Variants in IFFO2 observed in about 807,000 individuals in gnomAD.
The protein encoded by IFFO2 is intermediate filament family orphan 2.
IFFO2 carries 19 observed loss-of-function variants against 53.5 expected under a neutral mutation model. The ratio of observed to expected loss-of-function variants is 0.36; its 90% CI spans 0.25 to 0.52. The LOEUF is 0.52. IFFO2 is among the 20% of genes least tolerant of loss of function. IFFO2 has a pLI of 0.94. For synonymous variants in IFFO2, 303 were observed against 313.6 expected (o/e 0.97, Z 0.36); for missense variants, 570 against 727.4 (o/e 0.78, Z 2.49).
At chr1:18,955,528 T>G (rs1936712397) in intron 1 of IFFO2, 140 bp downstream of exon 1, 1 of 1,298,038 alleles carries the variant, frequency 7.7e-7, no homozygotes, top group Non-Finnish European at 1.0e-6. Context: ...CTGGCGTACG[T>G]AAGACGCTCT....
At chr1:18,943,285 A>G (rs755963392) in intron 1 of IFFO2, among the ~76,000 whole-genome samples, 1 of 152,176 alleles carries the variant, frequency 6.6e-6, no homozygotes, top group Non-Finnish European at 1.5e-5. Context: ...AGGCTGAGGC[A>G]GGAGGATTGC....
At chr1:18,945,171 T>C (rs1041014768) in intron 1 of IFFO2, among the ~76,000 whole-genome samples, 3 of 152,162 alleles carry the variant, frequency 2.0e-5, no homozygotes, top group African/African-American at 7.2e-5. Context: ...CTTTCTTGAC[T>C]GGCCCTGAAC....
intron 5 of IFFO2, among the ~76,000 whole-genome samples, chr1:18,913,401 G>A (rs2024726): frequency 0.039 from 5,996 of 152,322 alleles, 193 homozygotes; most frequent in Admixed American, 0.1. Context: ...CCTTCCCAGC[G>A]TCTGGGATCT....
rs535086996 is a variant in IFFO2, at chr1:18,941,658, G to A, written c.665+14010C>T. 4.6e-5 allele frequency among the ~76,000 whole-genome samples: 7 copies of A among 152,334 alleles called. No individual in the cohort carries two copies. In the South Asian group the frequency reaches 1.5e-3, roughly 32 times the overall value. ...TCTTCCAATTCCCCTATCTCAGCCT[G>A]CCAGAATGAGCTTGCATGTGTGGCA... On this transcript the variant is annotated intron_variant, in intron 1 of 8. Transcript: ENST00000455833.
chr1:18,923,012 C>G (rs866915522), intron 1 of IFFO2, among the ~76,000 whole-genome samples: 1 of 152,140 alleles, frequency 6.6e-6, no homozygotes, highest in Non-Finnish European at 1.5e-5. Flanking sequence ...GCACAGGTCC[C>G]GAGCTGAATC....
At chr1:18,937,920 C>T (rs778739884) in intron 1 of IFFO2, among the ~76,000 whole-genome samples, 2 of 152,382 alleles carry the variant, frequency 1.3e-5, no homozygotes, top group Middle Eastern at 3.4e-3. Context: ...ACCAGCACAG[C>T]CTCTCTTCTC....
Position 18,932,749 on chromosome 1 carries a change from G to A in IFFO2, c.666-11628C>T, listed in dbSNP as rs192097267. On this transcript the variant is annotated intron_variant, in intron 1 of 8. Coordinates refer to ENST00000455833, the MANE Select transcript of IFFO2 (RefSeq NM_001136265.2). Reference sequence around the variant, plus strand: ...GGAGGGCAGTTCCTCTGTGTAGACTGGCCAAGGCCCCGGGGATGAGGCAGG... The same window carrying A: ...GGAGGGCAGTTCCTCTGTGTAGACTAGCCAAGGCCCCGGGGATGAGGCAGG... Among the ~76,000 whole-genome samples, 551 of 152,222 alleles carry A rather than the reference G, an allele frequency of 3.6e-3. 3 individuals carry two copies. The highest frequency in any genetic ancestry group is 0.012 in the African/African-American group (513 of 41,518).
At chr1:18,946,200 G>A (rs1409040765) in intron 1 of IFFO2, among the ~76,000 whole-genome samples, 3 of 152,148 alleles carry the variant, frequency 2.0e-5, no homozygotes, top group Non-Finnish European at 1.5e-5. Context: ...CCGCTTGCCA[G>A]TTTACAAAGT....
Position 18,955,634 on chromosome 1 carries a change from G to T in IFFO2, c.665+34C>A, listed in dbSNP as rs545099987. The T allele has an allele frequency of 5.9e-6, 9 of 1,533,818 alleles. No individual in the cohort carries two copies. In the African/African-American group the frequency reaches 8.5e-5, roughly 14 times the overall value. On this transcript the variant is annotated intron_variant, in intron 1 of 8. Transcript: ENST00000455833. ...GCGGCAGCCTGGACCTGGGCGCCCCGTCCCAGGGCGGCGGGGGAGGGGCGG... is the reference window on the plus strand; with the variant it reads ...GCGGCAGCCTGGACCTGGGCGCCCCTTCCCAGGGCGGCGGGGGAGGGGCGG...
intron 1 of IFFO2, among the ~76,000 whole-genome samples, chr1:18,925,441 G>C (rs1460789270): frequency 6.6e-6 from 1 of 152,226 alleles, no homozygotes; most frequent in Admixed American, 6.5e-5. Flanking sequence ...AAAGGAGCCA[G>C]TCCCGTGACG....
chr1:18,951,471 G>A (rs1936659383), intron 1 of IFFO2, among the ~76,000 whole-genome samples: 1 of 152,236 alleles, frequency 6.6e-6, no homozygotes, highest in African/African-American at 2.4e-5. Context: ...AGGCCAGCCA[G>A]CTGCAAATCA....
intron 1 of IFFO2, among the ~76,000 whole-genome samples, chr1:18,933,301 C>T (rs559792763): frequency 3.5e-4 from 54 of 152,324 alleles, no homozygotes; most frequent in Middle Eastern, 6.8e-3. Context: ...GCATCTTCCT[C>T]CGTCCATGAG....
rs1209177673 is a variant in IFFO2 at position 18,956,525 on chromosome 1, G to A, written c.-193C>T. On this transcript the variant is annotated 5_prime_UTR_variant, in exon 1 of 9. Coordinates refer to ENST00000455833, the MANE Select transcript of IFFO2 (RefSeq NM_001136265.2). The surrounding 1 kb of genome is among the most constrained non-coding windows in gnomAD (Gnocchi z 6.4). ...GATGGCCCCGGATGCGGGCGCCGAG[G>A]CGAGAGAGGGCACTCGGCCGCTCCT... 1 of 157,808 alleles carries A rather than the reference G, an allele frequency of 6.3e-6. No individual in the cohort carries two copies. The highest frequency in any genetic ancestry group is 1.4e-5 in the Non-Finnish European group (1 of 72,084). The allele number at this position is 157,808 out of a possible 1,614,324, so 9.8% of individuals were successfully genotyped here.
intron 1 of IFFO2, among the ~76,000 whole-genome samples, chr1:18,926,008 GA>G (rs1483961078): frequency 6.4e-5 from 5 of 77,656 alleles, no homozygotes; most frequent in East Asian, 4.1e-4. Context: ...GGATTGGTTG[GA>G]TGGATGGATG....
rs977932245 is a variant in IFFO2 at position 18,928,483 on chromosome 1, G to C, written c.666-7362C>G. On this transcript the variant is annotated intron_variant, in intron 1 of 8. Transcript: ENST00000455833. This position sits in a 1 kb window ranked among gnomAD's most constrained non-coding sequence, Gnocchi z 4.9. ...AGCACAGGCTGTACACTGAGGATGG[G>C]GGCCAGGTTTGAGAAGCCACTAATC... Among the ~76,000 whole-genome samples, 2 of 152,204 alleles carry C rather than the reference G, an allele frequency of 1.3e-5. No homozygotes were observed. Among genetic ancestry groups the C allele is most frequent in the Admixed American group, 6.5e-5 (1 of 15,280 alleles).
Position 18,910,366 on chromosome 1 carries a change from C to T in IFFO2, c.1424G>A (p.Arg475Gln), listed in dbSNP as rs1936017310. 5.0e-6 allele frequency: 8 copies of T among 1,612,556 alleles called. No individual in the cohort carries two copies. The highest frequency in any genetic ancestry group is 2.2e-5 in the East Asian group (1 of 44,846). ...CCTGTCTGCGGAGCCTTTGATGAGC[C>T]GGCGGCAGGTCTCCATCTGCACGTC... is the stretch of plus-strand genomic sequence containing the variant. The part of the protein sequence containing the change: ...GLDVQMETCR[R>Q]LIKGSADRNS... Residue 475 changes from arginine to glutamine, a missense_variant, in exon 8 of 9, where the codon CGG (arginine) becomes CAG (glutamine). Coordinates refer to ENST00000455833, the MANE Select transcript of IFFO2 (RefSeq NM_001136265.2).
intron 7 of IFFO2, among the ~76,000 whole-genome samples, chr1:18,910,892 G>A (rs2983107): frequency 6.6e-6 from 1 of 152,244 alleles, no homozygotes; most frequent in Non-Finnish European, 1.5e-5. Context: ...TAATAGCAAT[G>A]ACTATCGTTT....
chr1:18,918,077 C>A lies in IFFO2; in HGVS notation c.963+285G>T, dbSNP rs1347435847. On this transcript the variant is annotated intron_variant, in intron 4 of 8. Coordinates refer to ENST00000455833, the MANE Select transcript of IFFO2 (RefSeq NM_001136265.2). This position sits in a 1 kb window ranked among gnomAD's most constrained non-coding sequence, Gnocchi z 5.2. ...GCTGGTGAACCAAGCCCTGGAGGGG[C>A]AGGAGACTGATTTCTGCCACTTCCT... is the stretch of plus-strand genomic sequence containing the variant. 6.6e-6 allele frequency among the ~76,000 whole-genome samples: 1 copy of A among 152,214 alleles called. No homozygotes were observed. The highest frequency in any genetic ancestry group is 2.4e-5 in the African/African-American group (1 of 41,452).
At position 18,911,396 on chromosome 1, in the gene IFFO2, T is replaced by C; in HGVS notation, c.1305A>G (p.Ile435Met). 1 of 1,518,300 alleles carries C rather than the reference T, an allele frequency of 6.6e-7. No homozygotes were observed. Among genetic ancestry groups the C allele is most frequent in the Admixed American group, 2.2e-5 (1 of 45,364 alleles). The allele number at this position is 1,518,300 out of a possible 1,614,324, so 94.1% of individuals were successfully genotyped here. The change falls in exon 7 of 9, where the codon ATA becomes ATG. Residue 435 changes from isoleucine (I) to methionine (M), a missense_variant. Transcript: ENST00000455833. ...CCCGAGCCCTCACCTCGATCTGACC[T>C]ATCGTTTCCTGGTACTCCTTGTCTC... ...KTRDKEYQET[I>M]GQIELELATA...
Sources: gnomAD v4.1 joint callset for allele counts (sites outside exome capture counted in the v4.1 genomes callset) on GRCh38, gnomAD v4.1.1 for gene constraint, Gnocchi (gnomAD v3.1) non-coding constraint, MANE v1.5 for transcripts, NCBI Gene and HGNC (gene_info 2026-07-23, HGNC 2026-07-21) for gene names.